VRTN: variants seen among roughly 807,000 people sequenced by gnomAD.
VRTN encodes the protein vertebrae development associated, also known as vertnin.
Under a neutral mutation model 18.2 loss-of-function variants are expected in VRTN, and 5 were observed. The observed-to-expected ratio is 0.27, with a 90% CI of 0.14 to 0.58. The LOEUF (loss-of-function observed/expected upper bound fraction) is 0.58, where lower values mean the gene tolerates loss of function less well. VRTN is among the 20% of genes least tolerant of loss of function. The pLI, the probability that VRTN is intolerant of heterozygous loss-of-function variation, is 0.91. For missense variants in VRTN, 741 were observed against 939.4 expected (o/e 0.79, Z 2.76); for synonymous variants, 381 against 393.7 (o/e 0.97, Z 0.38).
intron 1 of VRTN, among the ~76,000 whole-genome samples, chr14:74,303,612 G>T (rs1373017851): frequency 6.6e-6 from 1 of 152,120 alleles, no homozygotes; most frequent in Non-Finnish European, 1.5e-5. Flanking sequence ...TGAATGAAAT[G>T]CTTATCAGTT....
intron 1 of VRTN, among the ~76,000 whole-genome samples, chr14:74,320,968 T>C (rs573596902): frequency 6.6e-6 from 1 of 150,574 alleles, no homozygotes; most frequent in South Asian, 2.1e-4. Context: ...GTGTCAAATG[T>C]TCCTGAAAGG....
chr14:74,351,414 A>G (rs77784245), intron 1 of VRTN, among the ~76,000 whole-genome samples: 128 of 151,852 alleles, frequency 8.4e-4, no homozygotes, highest in Non-Finnish European at 1.6e-3. Context: ...GTGAGAGGTT[A>G]TACCAGATTT....
At chr14:74,330,260 A>C (rs1749175123) in intron 1 of VRTN, among the ~76,000 whole-genome samples, 1 of 151,954 alleles carries the variant, frequency 6.6e-6, no homozygotes, top group African/African-American at 2.4e-5. Flanking sequence ...GAAGGAAGGA[A>C]AGGTTGATTT....
At chr14:74,305,622 A>C (rs565599203) in intron 1 of VRTN, 2 of 174,482 alleles carry the variant, frequency 1.1e-5, no homozygotes, top group African/African-American at 4.8e-5. Context: ...ATGATGTTTC[A>C]GGTTAGGAAA....
intron 1 of VRTN, among the ~76,000 whole-genome samples, chr14:74,353,186 G>A (rs181364451): frequency 1.8e-3 from 273 of 152,326 alleles, no homozygotes; most frequent in South Asian, 6.0e-3. Flanking sequence ...TTACTCTGGA[G>A]GTTGAGGCAG....
intron 1 of VRTN, among the ~76,000 whole-genome samples, chr14:74,310,146 C>G (rs1351183164): frequency 6.6e-6 from 1 of 152,226 alleles, no homozygotes; most frequent in Non-Finnish European, 1.5e-5. Context: ...GCCTGTAATC[C>G]CAGCACTTTT....
At position 74,359,072 on chromosome 14, in the gene VRTN, C is replaced by A; in HGVS notation, c.*180C>A. ...CAGGACAGAGAATGCCAGAAATCAGCCATCTGGTCTCCCGTAGGAAACTGT... is the reference window on the plus strand; with the variant it reads ...CAGGACAGAGAATGCCAGAAATCAGACATCTGGTCTCCCGTAGGAAACTGT... On this transcript the variant is annotated 3_prime_UTR_variant, in exon 2 of 2. Coordinates refer to ENST00000256362, the MANE Select transcript of VRTN (RefSeq NM_018228.3). 2 of 1,217,178 alleles carry A rather than the reference C, an allele frequency of 1.6e-6. No individual in the cohort carries two copies. Among genetic ancestry groups the A allele is most frequent in the Admixed American group, 3.2e-5 (1 of 31,252 alleles). 75.4% of individuals were successfully genotyped at this position (1,217,178 alleles called of 1,614,324 possible). A position where few individuals can be genotyped will look rare whatever the true frequency, so the allele number is the denominator to read the frequency against.
chr14:74,320,483 C>T (rs930859616), intron 1 of VRTN, among the ~76,000 whole-genome samples: 16 of 144,910 alleles, frequency 1.1e-4, no homozygotes, highest in East Asian at 4.2e-4. Flanking sequence ...AGGATGGTCT[C>T]GATCTCCTGA....
intron 1 of VRTN, among the ~76,000 whole-genome samples, chr14:74,336,446 G>T (rs2085565018): frequency 6.6e-6 from 1 of 151,046 alleles, no homozygotes; most frequent in Non-Finnish European, 1.5e-5. Flanking sequence ...TCTTCTCCAG[G>T]GTTTTCCATT....
At chr14:74,323,122 G>A (rs2085466607) in intron 1 of VRTN, among the ~76,000 whole-genome samples, 1 of 151,598 alleles carries the variant, frequency 6.6e-6, no homozygotes, top group African/African-American at 2.4e-5. Context: ...GACAAAGTGA[G>A]ACTCCATCTC....
chr14:74,303,891 G>T (rs1409537525), intron 1 of VRTN, among the ~76,000 whole-genome samples: 6 of 93,040 alleles, frequency 6.4e-5, no homozygotes, highest in African/African-American at 2.8e-4. Context: ...TGCTTTTGTT[G>T]CCCCGGCTAG....
At chr14:74,307,472 G>A (rs72730118) in intron 1 of VRTN, among the ~76,000 whole-genome samples, 12 of 151,930 alleles carry the variant, frequency 7.9e-5, no homozygotes, top group African/African-American at 2.9e-4. Context: ...TGCTCTTGAA[G>A]GCCAAAAATG....
chr14:74,332,683 C>T (rs2085535751), intron 1 of VRTN, among the ~76,000 whole-genome samples: 1 of 151,874 alleles, frequency 6.6e-6, no homozygotes, highest in Admixed American at 6.6e-5. Flanking sequence ...TCTTCACTTC[C>T]TTTAACAACC....
At chr14:74,344,797 A>G (rs1489770145), upstream of VRTN, among the ~76,000 whole-genome samples, 1 of 150,556 alleles carries the variant, frequency 6.6e-6, no homozygotes, top group African/African-American at 2.4e-5. Context: ...TTTAAATTTC[A>G]TTGGACAGTA....
intron 1 of VRTN, among the ~76,000 whole-genome samples, chr14:74,335,956 G>T (rs1053439784): frequency 1.3e-5 from 2 of 151,584 alleles, no homozygotes; most frequent in Admixed American, 1.3e-4. Flanking sequence ...GGCCAGGCTG[G>T]TCTCAAACTT....
At chr14:74,351,458 C>A (rs1448588070) in intron 1 of VRTN, among the ~76,000 whole-genome samples, 1 of 149,876 alleles carries the variant, frequency 6.7e-6, no homozygotes, top group African/African-American at 2.5e-5. Context: ...AAATCCACAG[C>A]CTAGAAATTT....
chr14:74,305,060 G>A lies in VRTN; in HGVS notation c.-164+1884G>A, dbSNP rs950259014. On this transcript the variant is annotated intron_variant, in intron 1 of 2. Coordinates refer to the VRTN transcript ENST00000557177. ...TTTTAAGAAGTAGCAGGCTGGGCACGGTGGCTCACGCCTGTAATCCCAGCG... is the reference window on the plus strand; with the variant it reads ...TTTTAAGAAGTAGCAGGCTGGGCACAGTGGCTCACGCCTGTAATCCCAGCG... Among the ~76,000 whole-genome samples, 9 of 152,170 alleles carry A rather than the reference G, an allele frequency of 5.9e-5. No individual in the cohort carries two copies. The East Asian group carries it at 9.7e-4, about 16-fold the overall frequency.
intron 2 of VRTN, among the ~76,000 whole-genome samples, chr14:74,341,216 T>C (rs2085603727): frequency 6.6e-6 from 1 of 152,212 alleles, no homozygotes; most frequent in African/African-American, 2.4e-5. Flanking sequence ...TCACAGTTTT[T>C]CCATTTAATC....
chr14:74,306,172 A>ATATATATAT (rs1303177798), intron 1 of VRTN: 5 of 75,644 alleles, frequency 6.6e-5, no homozygotes, highest in African/African-American at 2.4e-4. Flanking sequence ...ATATATATAT[A>ATATATATAT]TTTTTTTTTT....
Sources: gnomAD v4.1 joint callset for allele counts (sites outside exome capture counted in the v4.1 genomes callset) on GRCh38, gnomAD v4.1.1 for gene constraint, MANE v1.5 for transcripts, NCBI Gene and HGNC (gene_info 2026-07-23, HGNC 2026-07-21) for gene names.